IDO2: variants seen among roughly 807,000 people sequenced by gnomAD.
The protein encoded by IDO2 is indoleamine 2,3-dioxygenase-like 1 protein.
Under a neutral mutation model 45.1 loss-of-function variants are expected in IDO2, and 46 were observed. The observed-to-expected ratio is 1.02, with a 90% CI of 0.80 to 1.30. IDO2 has a LOEUF of 1.30. IDO2 is among the 50% of genes most tolerant of loss of function. IDO2 has a pLI of 0.00. For missense variants in IDO2, 544 were observed against 491.8 expected, an observed-to-expected ratio of 1.11 and a Z score of -1.00; for synonymous variants, 218 against 184.9, an observed-to-expected ratio of 1.18 and a Z score of -1.45.
At chr8:39,984,726 G>T (rs1808398183) in intron 5 of IDO2, among the ~76,000 whole-genome samples, 1 of 152,092 alleles carries the variant, frequency 6.6e-6, no homozygotes, top group Non-Finnish European at 1.5e-5. Flanking sequence ...CATGACAAAT[G>T]TCAAAGAGTG....
At chr8:39,954,515 G>A (rs1807859383) in intron 2 of IDO2, among the ~76,000 whole-genome samples, 1 of 152,134 alleles carries the variant, frequency 6.6e-6, no homozygotes, top group East Asian at 1.9e-4. Flanking sequence ...CTTGAGGCAG[G>A]AAGTCCAAGA....
intron 5 of IDO2, among the ~76,000 whole-genome samples, chr8:39,983,845 A>G (rs1808386484): frequency 7.9e-6 from 1 of 127,118 alleles, no homozygotes; most frequent in Non-Finnish European, 1.6e-5. Flanking sequence ...AGCCTAGGTG[A>G]CAAACTCTGT....
intron 9 of IDO2, among the ~76,000 whole-genome samples, chr8:40,011,719 T>A (rs1802313104): frequency 6.6e-6 from 1 of 152,228 alleles, no homozygotes; most frequent in South Asian, 2.1e-4. Flanking sequence ...TTTTAATTAG[T>A]TCTCACAATA....
At chr8:39,937,251 T>G (rs1165305930) in intron 1 of IDO2, among the ~76,000 whole-genome samples, 1 of 152,226 alleles carries the variant, frequency 6.6e-6, no homozygotes, top group Non-Finnish European at 1.5e-5. Context: ...GGTGGGATTA[T>G]ATTCCAACAG....
At chr8:39,957,177 G>C (rs12547737) in intron 2 of IDO2, among the ~76,000 whole-genome samples, 54,242 of 151,670 alleles carry the variant, frequency 0.36, 11,826 homozygotes, top group Non-Finnish European at 0.49. Context: ...TATTTCCAAG[G>C]TGACCAGTTT....
At chr8:39,985,761 A>G (rs1261787875) in intron 6 of IDO2, 1 of 472,024 alleles carries the variant, frequency 2.1e-6, no homozygotes, top group Non-Finnish European at 3.8e-6. Context: ...CAGTCTGTAC[A>G]TAATAAAACA....
intron 9 of IDO2, among the ~76,000 whole-genome samples, chr8:40,012,367 G>T (rs1424345279): frequency 6.6e-6 from 1 of 152,152 alleles, no homozygotes; most frequent in African/African-American, 2.4e-5. Flanking sequence ...TTGCAAGTTT[G>T]GGGATCAAGT....
At chr8:39,978,937 A>G in intron 3 of IDO2, 130 bp from the exon 4 acceptor site, 1 of 813,468 alleles carries the variant, frequency 1.2e-6, no homozygotes, top group Admixed American at 2.3e-5. Flanking sequence ...GGCTCTTTGT[A>G]CCTTCATTAA....
intron 3 of IDO2, among the ~76,000 whole-genome samples, chr8:39,964,830 T>A (rs1435789350): frequency 1.3e-5 from 2 of 152,214 alleles, no homozygotes; most frequent in African/African-American, 4.8e-5. Flanking sequence ...TTTAAAGGAT[T>A]TTTTTGAACG....
intron 8 of IDO2, among the ~76,000 whole-genome samples, chr8:39,997,687 G>T (rs1357414364): frequency 2.0e-5 from 3 of 152,112 alleles, no homozygotes; most frequent in African/African-American, 7.2e-5. Context: ...TATCTTTTAT[G>T]AAAAAGATTC....
At chr8:39,956,784 C>A (rs2543085) in intron 2 of IDO2, among the ~76,000 whole-genome samples, 1 of 151,922 alleles carries the variant, frequency 6.6e-6, no homozygotes, top group Non-Finnish European at 1.5e-5. Context: ...CGGTGGCTCA[C>A]GCCTGTAACC....
At chr8:40,002,465 G>C (rs897242845) in intron 8 of IDO2, among the ~76,000 whole-genome samples, 29 of 152,050 alleles carry the variant, frequency 1.9e-4, no homozygotes, top group African/African-American at 7.0e-4. Context: ...CCTTCATATA[G>C]ACTGTTAGAA....
intron 2 of IDO2, among the ~76,000 whole-genome samples, chr8:39,961,606 G>A (rs1030920394): frequency 6.6e-6 from 1 of 152,090 alleles, no homozygotes; most frequent in Non-Finnish European, 1.5e-5. Flanking sequence ...ACAGGTATGA[G>A]CCATCGTGCC....
chr8:39,976,605 T>C (rs1808262687), intron 3 of IDO2, among the ~76,000 whole-genome samples: 1 of 152,184 alleles, frequency 6.6e-6, no homozygotes, highest in Admixed American at 6.5e-5. Context: ...CAGCAGAAAA[T>C]AGTGCAAACA....
chr8:39,986,715 T>C (rs1035445209), intron 6 of IDO2, among the ~76,000 whole-genome samples: 2 of 149,524 alleles, frequency 1.3e-5, no homozygotes, highest in South Asian at 4.2e-4. Context: ...GATAGATAGA[T>C]AGACGGAATT....
chr8:39,990,218 T>A (rs1808480461), intron 8 of IDO2, among the ~76,000 whole-genome samples: 1 of 152,184 alleles, frequency 6.6e-6, no homozygotes, highest in South Asian at 2.1e-4. Context: ...CACTCTGTAA[T>A]GCCCCTTTTA....
At chr8:39,958,609 C>G (rs11989147) in intron 2 of IDO2, among the ~76,000 whole-genome samples, 2,187 of 152,204 alleles carry the variant, frequency 0.014, 55 homozygotes, top group African/African-American at 0.05. Flanking sequence ...TGTCACCACG[C>G]CTGGCTAATT....
chr8:39,985,326 G>A (rs1808407699), intron 5 of IDO2, 182 bp from the exon 6 acceptor site: 2 of 615,116 alleles, frequency 3.3e-6, no homozygotes, highest in Non-Finnish European at 2.9e-6. Context: ...CCATAGTCCA[G>A]CCACAACTTG....
chr8:39,966,592 C>T (rs1021531917), intron 3 of IDO2, among the ~76,000 whole-genome samples: 2 of 152,180 alleles, frequency 1.3e-5, no homozygotes, highest in African/African-American at 4.8e-5. Context: ...CAGCTTTGAT[C>T]TTACAGTGCA....
Sources: gnomAD v4.1 joint callset for allele counts (sites outside exome capture counted in the v4.1 genomes callset) on GRCh38, gnomAD v4.1.1 for gene constraint, MANE v1.5 for transcripts, NCBI Gene and HGNC (gene_info 2026-07-23, HGNC 2026-07-21) for gene names.